The following OTOGL variants were observed in gnomAD, a reference collection of about 807,000 sequenced individuals.
The protein encoded by OTOGL is otogelin like, also known as otogelin-like protein.
In OTOGL, 285 loss-of-function variants were observed where a neutral mutation model predicts 318.5. That is an observed-to-expected ratio of 0.89 (90% CI 0.81 to 0.99). The LOEUF (loss-of-function observed/expected upper bound fraction) is 0.99. OTOGL is among the 50% of genes least tolerant of loss of function. OTOGL has a pLI of 0.00. For missense variants in OTOGL, 2,899 were observed against 2,845.6 expected, an observed-to-expected ratio of 1.02 and a Z score of -0.43; for synonymous variants, 987 against 936.5, an observed-to-expected ratio of 1.05 and a Z score of -0.99.
chr12:80,371,984 T>C lies in OTOGL; in HGVS notation c.6736-35T>C, dbSNP rs1335878650. On this transcript the variant is annotated intron_variant, in intron 56 of 58. Coordinates refer to ENST00000547103, the MANE Select transcript of OTOGL (RefSeq NM_001378609.3). ...TACAAGAGAACATGGAAGAACACCA[T>C]ATTCTTTGACTTTATTGCTTTTTTC... 5 of 1,414,710 alleles carry C rather than the reference T, an allele frequency of 3.5e-6. No homozygotes were observed. In the African/African-American group the frequency reaches 4.3e-5, roughly 12 times the overall value. 87.6% of individuals were successfully genotyped at this position (1,414,710 alleles called of 1,614,324 possible).
At chr12:80,163,649 GCT>G (rs1873662427) in intron 1 of OTOGL, among the ~76,000 whole-genome samples, 1 of 152,060 alleles carries the variant, frequency 6.6e-6, no homozygotes, top group Non-Finnish European at 1.5e-5. Context: ...TGTCATCTAG[GCT>G]CTCTCGTGTC....
chr12:80,367,682 T>A lies in OTOGL; in HGVS notation c.6453T>A (p.His2151Gln). 6.7e-7 allele frequency: 1 copy of A among 1,489,408 alleles called. No homozygotes were observed. Among genetic ancestry groups the A allele is most frequent in the Non-Finnish European group, 8.9e-7 (1 of 1,117,652 alleles). The allele number at this position is 1,489,408 out of a possible 1,614,324, so 92.3% of individuals were successfully genotyped here. A position where few individuals can be genotyped will look rare whatever the true frequency, so the allele number is the denominator to read the frequency against. ...AGTGTCTGGAAGAAAAAGATAACCA[T>A]ACGGGCTTTCACACTCTGAATTTTA... ...AIECLEEKDN[H>Q]TGFHTLNFTL... The change falls in exon 54 of 59, where the codon CAT (histidine) becomes CAA (glutamine). Residue 2151 changes from histidine to glutamine, a missense_variant. Physicochemically the swap from His to Gln is conservative, Grantham distance 24 (BLOSUM62 0). Coordinates refer to ENST00000547103, the MANE Select transcript of OTOGL (RefSeq NM_001378609.3).
At chr12:80,214,353 CT>C (rs1565903356) in intron 4 of OTOGL, among the ~76,000 whole-genome samples, 1 of 152,232 alleles carries the variant, frequency 6.6e-6, no homozygotes, top group African/African-American at 2.4e-5. Flanking sequence ...TGGAGACTTT[CT>C]GAAGAACCAT....
Position 80,127,411 on chromosome 12 carries a change from G to T in OTOGL, c.-20+27806G>T, listed in dbSNP as rs547111425. ...TTGTAGAGTTTCTGCCGAGAGATCC[G>T]CTGTTAGTCTGATGGGCTTCCCTTT... On this transcript the variant is annotated intron_variant, in intron 1 of 58. Coordinates refer to ENST00000547103, the MANE Select transcript of OTOGL (RefSeq NM_001378609.3). 2.0e-5 allele frequency among the ~76,000 whole-genome samples: 3 copies of T among 152,278 alleles called. No individual in the cohort carries two copies. In the South Asian group the frequency reaches 6.2e-4, roughly 32 times the overall value.
At chr12:80,336,580 T>A in intron 40 of OTOGL, 25 bp downstream of exon 40, 2 of 1,587,708 alleles carry the variant, frequency 1.3e-6, no homozygotes, top group Non-Finnish European at 1.7e-6. Flanking sequence ...ATTTTTGCAG[T>A]CATTTCATCA....
chr12:80,209,361 A>G, intron 1 of OTOGL, 52 bp from the exon 2 acceptor site: 1 of 1,014,382 alleles, frequency 9.9e-7, no homozygotes, highest in Non-Finnish European at 1.4e-6. Flanking sequence ...ACAAATATGC[A>G]TACTTCTAAG....
At chr12:80,352,493 C>T in intron 45 of OTOGL, 57 bp downstream of exon 45, 1 of 1,352,750 alleles carries the variant, frequency 7.4e-7, no homozygotes, top group South Asian at 1.6e-5. Flanking sequence ...CTTTTGCAAT[C>T]ACTTCTTTCC....
At position 80,341,953 on chromosome 12, in the gene OTOGL, T is replaced by G; in HGVS notation, c.5056T>G (p.Cys1686Gly). 6.3e-7 allele frequency: 1 copy of G among 1,597,852 alleles called. No individual in the cohort carries two copies. The highest frequency in any genetic ancestry group is 1.1e-5 in the South Asian group (1 of 88,610). The change falls in exon 44 of 59, where the codon TGC (cysteine) becomes GGC (glycine). Residue 1686 changes from cysteine (C) to glycine (G), a missense_variant. Cys to Gly is a radical substitution (Grantham distance 159). Transcript: ENST00000547103. Reference protein sequence around the residue: ...SSYTEGLCGICNEDPDDDLRM... With the variant: ...SSYTEGLCGIGNEDPDDDLRM... ...CTGTCATATATTCTTTCAAGGAATT[T>G]GCAATGAAGATCCGGATGATGATCT...
intron 11 of OTOGL, among the ~76,000 whole-genome samples, chr12:80,249,618 GTTTGTCTGTGC>G (rs1285702031): frequency 6.6e-6 from 1 of 152,112 alleles, no homozygotes; most frequent in Non-Finnish European, 1.5e-5. Context: ...CTGTCTTTTT[GTTTGTCTGTGC>G]CCTGCCACCA....
At chr12:80,247,892 T>A (rs1881064594) in intron 11 of OTOGL, among the ~76,000 whole-genome samples, 1 of 95,012 alleles carries the variant, frequency 1.1e-5, no homozygotes. Flanking sequence ...CTCCTCTTGT[T>A]GAATTGATCC....
chr12:80,349,506 G>A (rs1889406949), intron 44 of OTOGL, among the ~76,000 whole-genome samples: 1 of 152,078 alleles, frequency 6.6e-6, no homozygotes, highest in Admixed American at 6.6e-5. Context: ...TGAGAGGCAG[G>A]TAGAAGAAAC....
At chr12:80,114,982 T>C (rs973475123) in intron 1 of OTOGL, among the ~76,000 whole-genome samples, 2 of 151,976 alleles carry the variant, frequency 1.3e-5, no homozygotes, top group Non-Finnish European at 2.9e-5. Flanking sequence ...TTTATGTTCT[T>C]CTCTAAAGTT....
rs34204072 is a variant in OTOGL, at chr12:80,218,795, C to CTT, written c.236-1001_236-1000dup. ...GATTTCTTTTTTTTTCTTTTTCTTT[C>CTT]TTTTTTTTTTTTTTTTTTTGAGACA... On this transcript the variant is annotated intron_variant, in intron 5 of 58. Coordinates refer to ENST00000547103, the MANE Select transcript of OTOGL (RefSeq NM_001378609.3). Among the ~76,000 whole-genome samples, 165 of 118,206 alleles carry CTT rather than the reference C, an allele frequency of 1.4e-3. 1 individual carries two copies. The highest frequency in any genetic ancestry group is 4.7e-3 in the Middle Eastern group (1 of 212). 77.5% of individuals were successfully genotyped at this position (118,206 alleles called of 152,430 possible).
intron 1 of OTOGL, among the ~76,000 whole-genome samples, chr12:80,123,826 T>A (rs1177468917): frequency 4.6e-5 from 7 of 152,244 alleles, no homozygotes; most frequent in Non-Finnish European, 1.0e-4. Context: ...TTTGGCTACA[T>A]AAATGTCTTC....
In OTOGL at chr12:80,352,503, CTTCT is replaced by C. The variant is rs200807130; in HGVS notation, c.5407+70_5407+73del. ...TTTCACTTTTGCAATCACTTCTTTC[CTTCT>C]TTTTCTTTTTTATCATGAACTAATT... is the stretch of plus-strand genomic sequence containing the variant. On this transcript the variant is annotated intron_variant, in intron 45 of 58. Transcript: ENST00000547103. 7.5e-4 allele frequency: 977 copies of C among 1,299,844 alleles called. 8 individuals carry two copies. In the Middle Eastern group the frequency reaches 7.8e-3, roughly 10 times the overall value. The allele number at this position is 1,299,844 out of a possible 1,614,324, so 80.5% of individuals were successfully genotyped here.
chr12:80,380,152 A>G lies in OTOGL; in HGVS notation c.*2104A>G, dbSNP rs1372492089. 2 of 152,052 alleles carry G rather than the reference A, an allele frequency of 1.3e-5. No homozygotes were observed. The highest frequency in any genetic ancestry group is 2.9e-5 in the Non-Finnish European group (2 of 67,912). 9.4% of individuals were successfully genotyped at this position (152,052 alleles called of 1,614,324 possible). ...ACCTCCAAATGAATCAGAGATTTAA[A>G]TGTTAAAAAACAAAAGAAGATAGGA... On this transcript the variant is annotated 3_prime_UTR_variant, in exon 59 of 59. Coordinates refer to ENST00000547103, the MANE Select transcript of OTOGL (RefSeq NM_001378609.3).
chr12:80,222,419 A>T (rs1878441037), intron 7 of OTOGL, among the ~76,000 whole-genome samples, 174 bp downstream of exon 7: 1 of 152,138 alleles, frequency 6.6e-6, no homozygotes, highest in African/African-American at 2.4e-5. Flanking sequence ...TTCCTTCCTG[A>T]TACTTCCAGT....
Position 80,252,120 on chromosome 12 carries a change from T to C in OTOGL, c.1204T>C (p.Cys402Arg). 6.4e-7 allele frequency: 1 copy of C among 1,564,602 alleles called. No homozygotes were observed. Among genetic ancestry groups the C allele is most frequent in the Non-Finnish European group, 8.7e-7 (1 of 1,152,648 alleles). Reference sequence around the variant, plus strand: ...CTTTGTCCATCGGGACTGTATCAGTTGTTGTCCACCAACCTGCACATTTGA... The same window carrying C: ...CTTTGTCCATCGGGACTGTATCAGTCGTTGTCCACCAACCTGCACATTTGA... Reference protein sequence around the residue: ...DSFVHRDCISCCPPTCTFEKQ... With the variant: ...DSFVHRDCISRCPPTCTFEKQ... The change falls in exon 13 of 59, where the codon TGT becomes CGT. Residue 402 changes from cysteine (C) to arginine (R), a missense_variant. Cys to Arg is a radical substitution (Grantham distance 180, BLOSUM62 -3). This residue lies in a region of OTOGL where 2,607 missense variants were observed against 2,524.9 expected (regional missense o/e 1.03). Transcript: ENST00000547103.
chr12:80,106,682 A>T (rs1869474974), intron 1 of OTOGL, among the ~76,000 whole-genome samples: 1 of 152,156 alleles, frequency 6.6e-6, no homozygotes, highest in African/African-American at 2.4e-5. Context: ...CTCGTAATGT[A>T]TGATTCTCTG....
Sources: gnomAD v4.1 joint callset for allele counts (sites outside exome capture counted in the v4.1 genomes callset) on GRCh38, gnomAD v4.1.1 for gene constraint, gnomAD v4.1.1 regional missense constraint, MANE v1.5 for transcripts, NCBI Gene and HGNC (gene_info 2026-07-23, HGNC 2026-07-21) for gene names.